BCO1: variants seen among roughly 807,000 people sequenced by gnomAD.
The protein encoded by BCO1 is beta-carotene oxygenase 1, also known as beta,beta-carotene 15,15'-dioxygenase.
Under a neutral mutation model 56.3 loss-of-function variants are expected in BCO1, and 54 were observed. The ratio of observed to expected loss-of-function variants is 0.96; its 90% CI spans 0.77 to 1.20. The LOEUF (loss-of-function observed/expected upper bound fraction) is 1.20, where lower values mean the gene tolerates loss of function less well. BCO1 is among the 50% of genes most tolerant of loss of function. BCO1 has a pLI of 0.00. For synonymous variants in BCO1, 318 were observed against 266.1 expected, an observed-to-expected ratio of 1.20 and a Z score of -1.90; for missense variants, 801 against 690.9, an observed-to-expected ratio of 1.16 and a Z score of -1.79.
chr16:81,276,155 G>A (rs1005743913), intron 7 of BCO1, among the ~76,000 whole-genome samples: 16 of 152,352 alleles, frequency 1.1e-4, no homozygotes, highest in Non-Finnish European at 7.4e-5. Context: ...CATTCATGGA[G>A]GACCCGCTAG....
In BCO1 at chr16:81,270,409, T is replaced by G; in HGVS notation, c.1094T>G (p.Val365Gly). 1.9e-6 allele frequency: 3 copies of G among 1,614,062 alleles called. No homozygotes were observed. The highest frequency in any genetic ancestry group is 2.5e-6 in the Non-Finnish European group (3 of 1,180,018). The change falls in exon 7 of 11, where the codon GTG becomes GGG. Residue 365 changes from valine to glycine, a missense_variant. Transcript: ENST00000258168. ...AGGAGGTTTGCCGTGCCCCTCCACG[T>G]GGACAAGGTAATGGCTTCCAAGGAG... ...TLRRFAVPLH[V>G]DKNAEVGTNL...
At chr16:81,282,075 GTGCATTTCAAC>G (rs1907913954) in intron 8 of BCO1, among the ~76,000 whole-genome samples, 1 of 152,226 alleles carries the variant, frequency 6.6e-6, no homozygotes, top group African/African-American at 2.4e-5. Flanking sequence ...GTGGGACAGA[GTGCATTTCAAC>G]TGAGCGCATT....
chr16:81,258,416 G>A lies in BCO1; in HGVS notation c.194-1260G>A, dbSNP rs550008309. Among the ~76,000 whole-genome samples the A allele has an allele frequency of 1.9e-4, 29 of 152,260 alleles. No homozygotes were observed. The South Asian group carries it at 6.0e-3, about 32-fold the overall frequency. On this transcript the variant is annotated intron_variant, in intron 2 of 10. Transcript: ENST00000258168. Reference sequence around the variant, plus strand: ...GACCCTCTATTGCTATGCAGGATTGGGCATCAGGTCACCTCCTGGTTGTGT... The same window carrying A: ...GACCCTCTATTGCTATGCAGGATTGAGCATCAGGTCACCTCCTGGTTGTGT...
intron 1 of BCO1, among the ~76,000 whole-genome samples, chr16:81,242,538 T>C (rs548000430): frequency 6.5e-4 from 99 of 152,046 alleles, no homozygotes; most frequent in Non-Finnish European, 1.2e-3. Flanking sequence ...CACATCCCCC[T>C]GTATTTAGTC....
chr16:81,243,972 C>G (rs984325326), intron 1 of BCO1, among the ~76,000 whole-genome samples: 5 of 152,242 alleles, frequency 3.3e-5, no homozygotes, highest in Admixed American at 1.3e-4. Context: ...ACATGCCTCT[C>G]GTGATCCCAA....
intron 7 of BCO1, among the ~76,000 whole-genome samples, chr16:81,278,768 A>G (rs1204456142): frequency 3.3e-5 from 5 of 152,256 alleles, no homozygotes; most frequent in African/African-American, 9.6e-5. Context: ...GGGCCAAAGA[A>G]TCAATGCAAA....
Position 81,238,802 on chromosome 16 carries a change from G to A in BCO1, c.-107G>A, listed in dbSNP as rs1176350557. 6.4e-6 allele frequency: 6 copies of A among 938,708 alleles called. No individual in the cohort carries two copies. Among genetic ancestry groups the A allele is most frequent in the Admixed American group, 1.8e-5 (1 of 56,632 alleles). The allele number at this position is 938,708 out of a possible 1,614,324, so 58.1% of individuals were successfully genotyped here. ...GAGACAGAGATGTGAAGGAGGGAAGGAGCAGGAGAGCAGGAAGGAAACGCA... is the reference window on the plus strand; with the variant it reads ...GAGACAGAGATGTGAAGGAGGGAAGAAGCAGGAGAGCAGGAAGGAAACGCA... On this transcript the variant is annotated 5_prime_UTR_variant, in exon 1 of 11. Coordinates refer to ENST00000258168, the MANE Select transcript of BCO1 (RefSeq NM_017429.3).
At chr16:81,262,104 C>T (rs1906520517) in intron 3 of BCO1, 32 bp from the exon 4 acceptor site, 2 of 1,611,592 alleles carry the variant, frequency 1.2e-6, no homozygotes, top group Admixed American at 1.7e-5. Context: ...TGGACATAGC[C>T]ACTGACTCTG....
chr16:81,247,786 A>G (rs1905512681), intron 2 of BCO1, among the ~76,000 whole-genome samples: 2 of 152,058 alleles, frequency 1.3e-5, no homozygotes. Context: ...TCGGCCTCCC[A>G]AAGTGCTGGG....
intron 8 of BCO1, among the ~76,000 whole-genome samples, chr16:81,282,761 A>T (rs1421662458): frequency 1.3e-5 from 2 of 152,056 alleles, no homozygotes; most frequent in Non-Finnish European, 2.9e-5. Flanking sequence ...AACCACCCGT[A>T]ATCCCTGCCC....
chr16:81,245,372 T>G (rs1905341561), intron 1 of BCO1, 103 bp from the exon 2 acceptor site: 1 of 1,525,188 alleles, frequency 6.6e-7, no homozygotes, highest in African/African-American at 1.4e-5. Context: ...ATGCAAGGAG[T>G]GGTACTGGGA....
At chr16:81,255,988 G>C (rs1906112052) in intron 2 of BCO1, among the ~76,000 whole-genome samples, 1 of 146,526 alleles carries the variant, frequency 6.8e-6, no homozygotes, top group Admixed American at 6.9e-5. Context: ...AATTTTTTTT[G>C]TATTTTTAGT....
Position 81,285,751 on chromosome 16 carries a change from T to G in BCO1, c.1302+117T>G, listed in dbSNP as rs185724096. On this transcript the variant is annotated intron_variant, in intron 9 of 10. Transcript: ENST00000258168. ...AAGAGGAGGTCAGAAGGAGTAAGCC[T>G]AGGATAAAATAAATTTGAAGTAAGG... is the stretch of plus-strand genomic sequence containing the variant. The G allele has an allele frequency of 2.1e-5, 17 of 795,182 alleles. No homozygotes were observed. The East Asian group carries it at 3.7e-4, about 17-fold the overall frequency. The allele number at this position is 795,182 out of a possible 1,614,324, so 49.3% of individuals were successfully genotyped here. A position where few individuals can be genotyped will look rare whatever the true frequency, so the allele number is the denominator to read the frequency against.
At chr16:81,268,214 C>A in intron 6 of BCO1, 83 bp downstream of exon 6, 1 of 1,291,364 alleles carries the variant, frequency 7.7e-7, no homozygotes, top group Non-Finnish European at 1.1e-6. Flanking sequence ...AAGTTTAAGG[C>A]AAGGAAGTGG....
intron 7 of BCO1, 83 bp downstream of exon 7, chr16:81,270,499 A>G (rs917596161): frequency 6.4e-6 from 10 of 1,569,160 alleles, no homozygotes; most frequent in Non-Finnish European, 8.7e-6. Context: ...TATTTGATTG[A>G]CATTGAAATC....
At chr16:81,258,418 C>T (rs1052585277) in intron 2 of BCO1, among the ~76,000 whole-genome samples, 6 of 152,198 alleles carry the variant, frequency 3.9e-5, no homozygotes, top group Admixed American at 6.5e-5. Flanking sequence ...CAGGATTGGG[C>T]ATCAGGTCAC....
At chr16:81,240,538 C>A (rs1324845562) in intron 1 of BCO1, among the ~76,000 whole-genome samples, 1 of 152,010 alleles carries the variant, frequency 6.6e-6, no homozygotes, top group Middle Eastern at 3.2e-3. Context: ...AAATCCCTCT[C>A]TACTAAAAAT....
At chr16:81,290,277 A>G in intron 10 of BCO1, 71 bp from the exon 11 acceptor site, 1 of 1,253,710 alleles carries the variant, frequency 8.0e-7, no homozygotes, top group Non-Finnish European at 1.2e-6. Context: ...GCAGAGAGAC[A>G]TGCTGAGAAA....
chr16:81,251,090 G>A (rs1905768874), intron 2 of BCO1, among the ~76,000 whole-genome samples: 1 of 152,216 alleles, frequency 6.6e-6, no homozygotes, highest in African/African-American at 2.4e-5. Flanking sequence ...CCATGGGCTA[G>A]TGAATAGCCT....
Sources: gnomAD v4.1 joint callset for allele counts (sites outside exome capture counted in the v4.1 genomes callset) on GRCh38, gnomAD v4.1.1 for gene constraint, MANE v1.5 for transcripts, NCBI Gene and HGNC (gene_info 2026-07-23, HGNC 2026-07-21) for gene names.